Variants in CDC37L1 observed in about 807,000 individuals in gnomAD.
CDC37L1 encodes hsp90 co-chaperone Cdc37-like 1.
Under a neutral mutation model 45.9 loss-of-function variants are expected in CDC37L1, and 32 were observed. That is an observed-to-expected ratio of 0.70 (90% CI 0.53 to 0.94). CDC37L1 has a LOEUF of 0.94. Ranked by LOEUF, CDC37L1 falls within the 40% of genes least tolerant of loss-of-function variation. The pLI is 0.00. For synonymous variants in CDC37L1, 150 were observed against 133.0 expected (o/e 1.13, Z -0.88); for missense variants, 434 against 405.7 (o/e 1.07, Z -0.60).
intron 3 of CDC37L1, among the ~76,000 whole-genome samples, chr9:4,689,213 C>T (rs1381451067): frequency 6.6e-6 from 1 of 152,052 alleles, no homozygotes; most frequent in Non-Finnish European, 1.5e-5. Flanking sequence ...ACAGCAACAG[C>T]ATGAGACGGG....
chr9:4,695,206 A>T (rs983380489), intron 3 of CDC37L1, among the ~76,000 whole-genome samples: 9 of 152,032 alleles, frequency 5.9e-5, no homozygotes, highest in African/African-American at 2.2e-4. Flanking sequence ...TTTTTAAGAG[A>T]TATGGTCTTG....
chr9:4,704,027 C>T (rs1375849772), intron 6 of CDC37L1, among the ~76,000 whole-genome samples: 3 of 152,014 alleles, frequency 2.0e-5, no homozygotes, highest in African/African-American at 4.8e-5. Flanking sequence ...GCTACATGTG[C>T]GGAAAGGATT....
Position 4,687,700 on chromosome 9 carries a change from AAG to A in CDC37L1, c.415-811_415-810del, listed in dbSNP as rs1554622268. Among the ~76,000 whole-genome samples, 694 of 149,986 alleles carry A rather than the reference AAG, an allele frequency of 4.6e-3. 3 individuals are homozygous for A. The highest frequency in any genetic ancestry group is 0.015 in the African/African-American group (618 of 40,558). ...TCTCAAAAAAAAAAAAAAAAAAAAAAAGACACGCAACAACAACAGTCTATTTC... is the reference window on the plus strand; with the variant it reads ...TCTCAAAAAAAAAAAAAAAAAAAAAAACACGCAACAACAACAGTCTATTTC... On this transcript the variant is annotated intron_variant, in intron 2 of 6. Transcript: ENST00000381854.
intron 3 of CDC37L1, among the ~76,000 whole-genome samples, chr9:4,689,571 A>C (rs1403765434): frequency 6.6e-6 from 1 of 152,104 alleles, no homozygotes; most frequent in East Asian, 1.9e-4. Flanking sequence ...TTTCATTTTA[A>C]AGAAAGAAAA....
At chr9:4,704,778 C>T (rs1331192) in intron 6 of CDC37L1, among the ~76,000 whole-genome samples, 1 of 151,818 alleles carries the variant, frequency 6.6e-6, no homozygotes, top group Admixed American at 6.6e-5. Context: ...AAGCCAAATA[C>T]CATTCATTAT....
intron 6 of CDC37L1, 140 bp from the exon 7 acceptor site, chr9:4,705,871 A>C: frequency 2.4e-6 from 1 of 414,388 alleles, no homozygotes; most frequent in Non-Finnish European, 4.4e-6. Flanking sequence ...TCTGTCTCCA[A>C]AGTCCATCTT....
At chr9:4,692,405 G>T (rs938131930) in intron 3 of CDC37L1, among the ~76,000 whole-genome samples, 1 of 152,056 alleles carries the variant, frequency 6.6e-6, no homozygotes, top group African/African-American at 2.4e-5. Flanking sequence ...GAGTAGCTGG[G>T]ATTACAGGCG....
chr9:4,689,573 GAAAGA>G lies in CDC37L1; in HGVS notation c.508+971_508+975del, dbSNP rs1321375924. On this transcript the variant is annotated intron_variant, in intron 3 of 6. Transcript: ENST00000381854. The stretch of plus-strand genomic sequence containing the variant: ...CTTTGCTCATACTTTTCATTTTAAA[GAAAGA>G]AAAAAGACTGTGTTTAACTAAAAAA... Among the ~76,000 whole-genome samples the G allele has an allele frequency of 2.0e-5, 3 of 151,360 alleles. No individual in the cohort carries two copies. The East Asian group carries it at 5.8e-4, about 29-fold the overall frequency.
At chr9:4,683,749 A>G (rs1841220080) in intron 1 of CDC37L1, among the ~76,000 whole-genome samples, 1 of 152,226 alleles carries the variant, frequency 6.6e-6, no homozygotes, top group Admixed American at 6.5e-5. Flanking sequence ...GTGAAATTAT[A>G]AGGGCTTGAA....
Position 4,706,382 on chromosome 9 carries a change from C to G in CDC37L1, c.*270C>G, listed in dbSNP as rs1268194988. The stretch of plus-strand genomic sequence containing the variant: ...TAAATTTGCTTTTAATCTTATTGTT[C>G]TCAATTTTGGAATCAAGTATGAAAA... On this transcript the variant is annotated 3_prime_UTR_variant, in exon 7 of 7. Transcript: ENST00000381854. The G allele has an allele frequency of 4.2e-6, 1 of 237,454 alleles. No homozygotes were observed. Among genetic ancestry groups the G allele is most frequent in the Non-Finnish European group, 8.3e-6 (1 of 120,190 alleles). 14.7% of individuals were successfully genotyped at this position (237,454 alleles called of 1,614,324 possible). A position where few individuals can be genotyped will look rare whatever the true frequency, so the allele number is the denominator to read the frequency against.
chr9:4,701,666 G>A (rs1841397764), intron 5 of CDC37L1, among the ~76,000 whole-genome samples, 198 bp from the exon 6 acceptor site: 1 of 152,102 alleles, frequency 6.6e-6, no homozygotes, highest in South Asian at 2.1e-4. Context: ...AGAAGGAAAT[G>A]GAGCAAACCA....
rs965706971 is a variant in CDC37L1, at chr9:4,708,034, C to G, written c.*1922C>G. ...TTGAAACTTGATTTATATATTTTTA[C>G]TTGCAAAAGAATATACTGTGTTTTG... On this transcript the variant is annotated 3_prime_UTR_variant, in exon 7 of 7. Transcript: ENST00000381854. 5.9e-5 allele frequency: 9 copies of G among 152,180 alleles called. No homozygotes were observed. Among genetic ancestry groups the G allele is most frequent in the African/African-American group, 2.2e-4 (9 of 41,444 alleles). The allele number at this position is 152,180 out of a possible 1,614,324, so 9.4% of individuals were successfully genotyped here. A position where few individuals can be genotyped will look rare whatever the true frequency, so the allele number is the denominator to read the frequency against.
chr9:4,703,048 T>C, intron 6 of CDC37L1: 1 of 1,530,536 alleles, frequency 6.5e-7, no homozygotes, highest in Non-Finnish European at 8.8e-7. Flanking sequence ...ATTTTACTAG[T>C]AGCACTTTAA....
At chr9:4,691,995 A>G (rs1026517419) in intron 3 of CDC37L1, among the ~76,000 whole-genome samples, 4 of 152,170 alleles carry the variant, frequency 2.6e-5, no homozygotes, top group Non-Finnish European at 5.9e-5. Flanking sequence ...TTCAGAGCAC[A>G]TCATCTTCAC....
intron 3 of CDC37L1, among the ~76,000 whole-genome samples, chr9:4,690,644 G>A (rs1415228301): frequency 6.6e-6 from 1 of 152,136 alleles, no homozygotes; most frequent in South Asian, 2.1e-4. Flanking sequence ...TCATTTTGCT[G>A]TTACGTGTTG....
chr9:4,691,877 CA>C (rs1841303898), intron 3 of CDC37L1, among the ~76,000 whole-genome samples: 3 of 152,100 alleles, frequency 2.0e-5, no homozygotes, highest in Admixed American at 1.3e-4. Context: ...AATTTAAAAA[CA>C]AAGGCTTTTA....
At chr9:4,682,685 C>G (rs978786604) in intron 1 of CDC37L1, among the ~76,000 whole-genome samples, 66 of 151,856 alleles carry the variant, frequency 4.3e-4, no homozygotes, top group African/African-American at 1.5e-3. Flanking sequence ...GTTGGCCAAG[C>G]TGGTTTCGAA....
In CDC37L1 at chr9:4,694,744, G is replaced by A. The variant is rs139781611; in HGVS notation, c.509-2352G>A. Among the ~76,000 whole-genome samples the A allele has an allele frequency of 7.8e-3, 1,180 of 152,086 alleles. 14 individuals carry two copies. The highest frequency in any genetic ancestry group is 0.026 in the African/African-American group (1,094 of 41,476). ...AAATTAACTGGGCGTGGTGACACAC[G>A]CCTGTAATCCCAGCTTCCAGGAGGC... On this transcript the variant is annotated intron_variant, in intron 3 of 6. Coordinates refer to ENST00000381854, the MANE Select transcript of CDC37L1 (RefSeq NM_017913.4).
At chr9:4,702,347 C>G (rs1563773124) in intron 6 of CDC37L1, among the ~76,000 whole-genome samples, 1 of 152,188 alleles carries the variant, frequency 6.6e-6, no homozygotes, top group African/African-American at 2.4e-5. Context: ...TTCCTTAAAA[C>G]ATCTCATCCT....
Sources: gnomAD v4.1 joint callset for allele counts (sites outside exome capture counted in the v4.1 genomes callset) on GRCh38, gnomAD v4.1.1 for gene constraint, MANE v1.5 for transcripts, NCBI Gene and HGNC (gene_info 2026-07-23, HGNC 2026-07-21) for gene names.